The following RP1 variants were observed in gnomAD, a reference collection of about 807,000 sequenced individuals.
RP1 encodes the protein oxygen-regulated protein 1.
RP1 carries 16 observed loss-of-function variants against 14.8 expected under a neutral mutation model. That is an observed-to-expected ratio of 1.08 (90% CI 0.73 to 1.65). The LOEUF (loss-of-function observed/expected upper bound fraction) is 1.65, where lower values mean the gene tolerates loss of function less well. Ranked by LOEUF, RP1 falls within the 40% of genes most tolerant of loss-of-function variation. The pLI is 0.00. For missense variants in RP1, 2,631 were observed against 2,535.0 expected, an observed-to-expected ratio of 1.04 and a Z score of -0.81; for synonymous variants, 876 against 883.6, an observed-to-expected ratio of 0.99 and a Z score of 0.15.
intron 23 of RP1, among the ~76,000 whole-genome samples, chr8:54,780,271 T>A (rs1400374598): frequency 1.3e-5 from 2 of 152,244 alleles, no homozygotes; most frequent in Admixed American, 1.3e-4. Context: ...GGCCATAGTT[T>A]GCCACCCTCT....
chr8:54,739,045 A>C lies in RP1; in HGVS notation c.2808+16A>C, dbSNP rs913424403. The C allele has an allele frequency of 8.6e-6, 13 of 1,510,544 alleles. No individual in the cohort carries two copies. The African/African-American group carries it at 1.8e-4, about 21-fold the overall frequency. 93.6% of individuals were successfully genotyped at this position (1,510,544 alleles called of 1,614,324 possible). On this transcript the variant is annotated intron_variant, in intron 19 of 22. Coordinates refer to the RP1 transcript ENST00000636932. ...CTTGCAGAGGGTAATCATGTCACTT[A>C]TTTTTTTCTTCATAGTTATTCTCTG...
chr8:54,699,221 G>T (rs1807953421), intron 12 of RP1, among the ~76,000 whole-genome samples: 2 of 151,724 alleles, frequency 1.3e-5, no homozygotes, highest in South Asian at 4.2e-4. Context: ...AATGAAATAG[G>T]TCATGGATCA....
At chr8:54,864,280 C>T (rs1812413788) in intron 27 of RP1, among the ~76,000 whole-genome samples, 1 of 151,724 alleles carries the variant, frequency 6.6e-6, no homozygotes, top group Non-Finnish European at 1.5e-5. Flanking sequence ...ATTGAAAACA[C>T]AAAGAAAAAA....
intron 9 of RP1, among the ~76,000 whole-genome samples, chr8:54,678,892 T>C (rs1217861331): frequency 2.6e-5 from 4 of 152,182 alleles, no homozygotes; most frequent in African/African-American, 7.2e-5. Flanking sequence ...CAGTGTTTCA[T>C]GTAGCTTTTT....
At position 54,628,759 on chromosome 8, in the gene RP1, G is replaced by A. The variant is rs140011760; in HGVS notation, c.4877G>A (p.Gly1626Glu). The stretch of plus-strand genomic sequence containing the variant: ...ACCCAAGAGAAAGAATATAACATAG[G>A]ATTTGTTAAAAGGGCAATAGAAAAA... ...ELTQEKEYNI[G>E]FVKRAIEKLY... Residue 1626 changes from glycine to glutamate, a missense_variant, in exon 4 of 4, where the codon GGA becomes GAA. Coordinates refer to ENST00000220676, the MANE Select transcript of RP1 (RefSeq NM_006269.2). 6.2e-7 allele frequency: 1 copy of A among 1,614,038 alleles called. No individual in the cohort carries two copies. Among genetic ancestry groups the A allele is most frequent in the South Asian group, 1.1e-5 (1 of 91,078 alleles).
chr8:54,614,263 G>C (rs1805662030), upstream of RP1, among the ~76,000 whole-genome samples: 1 of 152,190 alleles, frequency 6.6e-6, no homozygotes, highest in African/African-American at 2.4e-5. Flanking sequence ...GCAGTGACTA[G>C]ACAGAACTTA....
At chr8:54,714,786 G>A (rs1808363789) in intron 15 of RP1, among the ~76,000 whole-genome samples, 1 of 152,214 alleles carries the variant, frequency 6.6e-6, no homozygotes, top group African/African-American at 2.4e-5. Flanking sequence ...CTGGCAAGAT[G>A]AACTTGTCAG....
At chr8:54,720,263 T>C (rs1177247839) in exon 16 of RP1, 2 of 1,535,830 alleles carry the variant, frequency 1.3e-6, no homozygotes, top group Middle Eastern at 1.7e-4. Context: ...CAATGATTTA[T>C]ACCAAGGATG....
chr8:54,659,272 G>T (rs1470408663), intron 6 of RP1, among the ~76,000 whole-genome samples: 6 of 151,948 alleles, frequency 3.9e-5, no homozygotes, highest in Admixed American at 2.6e-4. Context: ...ATGTGATTTT[G>T]GTGTCATATT....
chr8:54,735,769 T>C (rs186239605), intron 18 of RP1, among the ~76,000 whole-genome samples: 2 of 152,338 alleles, frequency 1.3e-5, no homozygotes, highest in Admixed American at 1.3e-4. Context: ...GATAATTGTT[T>C]AGAATTCAGA....
chr8:54,766,517 G>A (rs1220587701), intron 22 of RP1, among the ~76,000 whole-genome samples: 2 of 152,196 alleles, frequency 1.3e-5, no homozygotes, highest in Admixed American at 6.5e-5. Context: ...GACAGAATGA[G>A]GTGCAGGGAT....
At chr8:54,769,611 C>CA in intron 22 of RP1, 1 of 657,614 alleles carries the variant, frequency 1.5e-6, no homozygotes, top group Non-Finnish European at 2.6e-6. Context: ...TAAAAAGCAA[C>CA]TTTATAGTTA....
chr8:54,817,456 G>A (rs1003163502), intron 24 of RP1, among the ~76,000 whole-genome samples: 3 of 152,086 alleles, frequency 2.0e-5, no homozygotes, highest in African/African-American at 4.8e-5. Flanking sequence ...TACTGATGGA[G>A]GAAGCCTATA....
At chr8:54,778,914 T>C (rs1810112228) in intron 23 of RP1, among the ~76,000 whole-genome samples, 1 of 152,136 alleles carries the variant, frequency 6.6e-6, no homozygotes, top group African/African-American at 2.4e-5. Flanking sequence ...ATATGTAATA[T>C]TACGTCAGCA....
At chr8:54,663,927 A>C in intron 7 of RP1, 2 of 1,302,458 alleles carry the variant, frequency 1.5e-6, no homozygotes, top group South Asian at 3.5e-5. Flanking sequence ...TGTTGTAACT[A>C]TTCTAAGAGT....
At chr8:54,610,039 A>G (rs1310674282) in intron 1 of RP1, among the ~76,000 whole-genome samples, 1 of 152,176 alleles carries the variant, frequency 6.6e-6, no homozygotes, top group Non-Finnish European at 1.5e-5. Context: ...TGCTGACTCC[A>G]ATCCCTCTCC....
intron 1 of RP1, among the ~76,000 whole-genome samples, chr8:54,583,254 T>C (rs375731477): frequency 1.3e-5 from 2 of 152,256 alleles, no homozygotes; most frequent in East Asian, 3.8e-4. Context: ...TCTATTGAGA[T>C]AGTCATGTGG....
chr8:54,594,857 G>T (rs919449227), intron 1 of RP1, among the ~76,000 whole-genome samples: 3 of 152,180 alleles, frequency 2.0e-5, no homozygotes, highest in East Asian at 1.9e-4. Context: ...CCATGTATGA[G>T]ATTTTAAAAA....
intron 19 of RP1, among the ~76,000 whole-genome samples, chr8:54,744,581 G>A (rs980821463): frequency 6.6e-6 from 1 of 152,076 alleles, no homozygotes. Context: ...TAAATACATA[G>A]ACCTACAAAT....
Sources: gnomAD v4.1 joint callset for allele counts (sites outside exome capture counted in the v4.1 genomes callset) on GRCh38, gnomAD v4.1.1 for gene constraint, MANE v1.5 for transcripts, NCBI Gene and HGNC (gene_info 2026-07-23, HGNC 2026-07-21) for gene names.